The following TSPAN7 variants were observed in gnomAD, a reference collection of about 807,000 sequenced individuals.
TSPAN7 encodes the protein tetraspanin-7.
Under a neutral mutation model 17.6 loss-of-function variants are expected in TSPAN7, and 1 was observed. The ratio of observed to expected loss-of-function variants is 0.06; its 90% CI spans 0.02 to 0.27. The LOEUF is 0.27. Ranked by LOEUF, TSPAN7 falls within the 10% of genes least tolerant of loss-of-function variation. The pLI, the probability that TSPAN7 is intolerant of heterozygous loss-of-function variation, is 1.00. For missense variants in TSPAN7, 112 were observed against 201.7 expected (o/e 0.56, Z 2.69); for synonymous variants, 78 against 79.0 (o/e 0.99, Z 0.07).
At chrX:38,624,648 G>A (rs1255535978) in intron 1 of TSPAN7, among the ~76,000 whole-genome samples, 5 of 112,301 alleles carry the variant, frequency 4.5e-5, no homozygotes, top group African/African-American at 6.5e-5. Flanking sequence ...AATAATCAAG[G>A]CAGAATTGTC....
chrX:38,637,014 C>T (rs1373973489), intron 1 of TSPAN7, among the ~76,000 whole-genome samples: 3 of 112,188 alleles, frequency 2.7e-5, no homozygotes, highest in African/African-American at 6.5e-5. Flanking sequence ...AGAAACATCA[C>T]GGGACAAATA....
chrX:38,591,832 ACT>A (rs1321946206), intron 1 of TSPAN7, among the ~76,000 whole-genome samples: 3 of 111,760 alleles, frequency 2.7e-5, no homozygotes, highest in African/African-American at 9.8e-5. Context: ...CAACATAACC[ACT>A]CCAGTTCTTT....
intron 1 of TSPAN7, among the ~76,000 whole-genome samples, chrX:38,587,585 T>C (rs2069265606): frequency 1.8e-5 from 2 of 111,761 alleles, no homozygotes; most frequent in African/African-American, 6.5e-5. Flanking sequence ...TTGTGACTGA[T>C]AGGTAGAATA....
intron 1 of TSPAN7, among the ~76,000 whole-genome samples, chrX:38,622,571 A>G (rs2069494558): frequency 8.9e-6 from 1 of 112,025 alleles, no homozygotes; most frequent in Non-Finnish European, 1.9e-5. Flanking sequence ...AAGAAAAGAA[A>G]AAAGAAAAGA....
intron 1 of TSPAN7, among the ~76,000 whole-genome samples, chrX:38,575,436 C>T (rs915890859): frequency 1.3e-4 from 15 of 111,510 alleles, no homozygotes; most frequent in Non-Finnish European, 2.1e-4. Context: ...ATACATAGGT[C>T]GGTGGAACAA....
At chrX:38,663,389 G>C (rs1240987964) in intron 1 of TSPAN7, among the ~76,000 whole-genome samples, 1 of 111,886 alleles carries the variant, frequency 8.9e-6, no homozygotes, top group East Asian at 2.8e-4. Context: ...AATGCACTTT[G>C]GGGACTGGGG....
At chrX:38,580,902 G>C (rs998334797) in intron 1 of TSPAN7, among the ~76,000 whole-genome samples, 3 of 111,545 alleles carry the variant, frequency 2.7e-5, no homozygotes, top group Non-Finnish European at 5.7e-5. Flanking sequence ...AGGGTACTCT[G>C]AGAATCCCTG....
chrX:38,593,237 G>C (rs2069302221), intron 1 of TSPAN7, among the ~76,000 whole-genome samples: 1 of 110,373 alleles, frequency 9.1e-6, no homozygotes, highest in Non-Finnish European at 1.9e-5. Flanking sequence ...TATAGTTCAT[G>C]TTTTGCTTGG....
At chrX:38,617,064 C>T (rs965001579) in intron 1 of TSPAN7, among the ~76,000 whole-genome samples, 5 of 111,732 alleles carry the variant, frequency 4.5e-5, no homozygotes, top group African/African-American at 9.8e-5. Context: ...TACTCCACTG[C>T]GGCTCAAAAG....
chrX:38,635,856 A>C (rs918909215), intron 1 of TSPAN7, among the ~76,000 whole-genome samples: 2 of 111,415 alleles, frequency 1.8e-5, no homozygotes, highest in African/African-American at 3.3e-5. Context: ...AAACACTGTT[A>C]CCACTAGCTA....
chrX:38,568,695 T>A (rs556345674), intron 1 of TSPAN7, among the ~76,000 whole-genome samples: 1 of 111,515 alleles, frequency 9.0e-6, no homozygotes, highest in South Asian at 3.7e-4. Context: ...TTCAATCTGG[T>A]CCTTGAGTTT....
At chrX:38,661,068 G>A (rs1446721578) in intron 1 of TSPAN7, among the ~76,000 whole-genome samples, 1 of 111,713 alleles carries the variant, frequency 9.0e-6, no homozygotes, top group African/African-American at 3.3e-5. Context: ...GGACAGGTGA[G>A]AAGGATGGAA....
intron 1 of TSPAN7, among the ~76,000 whole-genome samples, chrX:38,627,325 A>G: frequency 9.0e-6 from 1 of 111,712 alleles, no homozygotes; most frequent in Non-Finnish European, 1.9e-5. Context: ...ATTAGGTTCC[A>G]GTAGGCATCT....
intron 1 of TSPAN7, among the ~76,000 whole-genome samples, chrX:38,634,884 A>C (rs2069570968): frequency 9.1e-6 from 1 of 110,426 alleles, no homozygotes; most frequent in Non-Finnish European, 1.9e-5. Flanking sequence ...ACTGCCGCTC[A>C]TGTGCATAAC....
At chrX:38,682,295 C>T (rs1325719351) in intron 6 of TSPAN7, among the ~76,000 whole-genome samples, 15 of 112,396 alleles carry the variant, frequency 1.3e-4, no homozygotes, top group African/African-American at 4.8e-4. Context: ...CCATCTGTAT[C>T]TCTGGCCCTC....
In TSPAN7 at chrX:38,634,105, A is replaced by G. The variant is rs573124371; in HGVS notation, c.82-32016A>G. Among the ~76,000 whole-genome samples the G allele has an allele frequency of 8.9e-5, 10 of 112,126 alleles. No individual in the cohort carries two copies. In the South Asian group the frequency reaches 3.7e-3, roughly 42 times the overall value. ...AAAATTTTTAGGACCAGTCATTGTC[A>G]CTTTTAATTCGAATCGGAATAATTA... On this transcript the variant is annotated intron_variant, in intron 1 of 7. Coordinates refer to ENST00000378482, the MANE Select transcript of TSPAN7 (RefSeq NM_004615.4).
chrX:38,662,141 C>T (rs181616213), intron 1 of TSPAN7, among the ~76,000 whole-genome samples: 3 of 111,374 alleles, frequency 2.7e-5, no homozygotes, highest in Non-Finnish European at 3.8e-5. Context: ...GAACACCCGC[C>T]GCACGTCCAC....
rs104894951 is a variant in TSPAN7, at chrX:38,675,778, C to A, written c.515C>A (p.Pro172His). ...TACTTCCTGGAGCATGGCATCCCCC[C>A]CAGCTGCTGCATGAACGAAACTGAT... ...SPYFLEHGIP[P>H]SCCMNETDCN... is the part of the protein sequence containing the mutation. Residue 172 changes from proline (P) to histidine (H), a missense_variant, in exon 5 of 8, where the codon CCC (proline) becomes CAC (histidine). Coordinates refer to ENST00000378482, the MANE Select transcript of TSPAN7 (RefSeq NM_004615.4). 1.7e-3 allele frequency: 2,005 copies of A among 1,209,067 alleles called. 2 individuals carry two copies. Among genetic ancestry groups the A allele is most frequent in the Non-Finnish European group, 2.1e-3 (1,885 of 894,991 alleles).
In TSPAN7 at chrX:38,565,680, A is replaced by T. The variant is rs779267997; in HGVS notation, c.81+4053A>T. On this transcript the variant is annotated intron_variant, in intron 1 of 7. Coordinates refer to ENST00000378482, the MANE Select transcript of TSPAN7 (RefSeq NM_004615.4). ...GCATTTGAACTTAAAATGGTGGTAG[A>T]GCAGTAGCATCATAAAGGTTGACAT... Among the ~76,000 whole-genome samples the T allele has an allele frequency of 2.5e-3, 281 of 112,638 alleles. 2 individuals carry two copies. Among genetic ancestry groups the T allele is most frequent in the Non-Finnish European group, 4.0e-3 (216 of 53,340 alleles).
Sources: gnomAD v4.1 joint callset for allele counts (sites outside exome capture counted in the v4.1 genomes callset) on GRCh38, gnomAD v4.1.1 for gene constraint, MANE v1.5 for transcripts, NCBI Gene and HGNC (gene_info 2026-07-23, HGNC 2026-07-21) for gene names.